The following FBN3 variants were observed in gnomAD, a reference collection of about 807,000 sequenced individuals.
The protein encoded by FBN3 is fibrillin 3.
Under a neutral mutation model 330.1 loss-of-function variants are expected in FBN3, and 234 were observed. The ratio of observed to expected loss-of-function variants is 0.71; its 90% confidence interval spans 0.64 to 0.79. FBN3 has a LOEUF of 0.79. FBN3 is among the 30% of genes least tolerant of loss of function. The pLI, the probability that FBN3 is intolerant of heterozygous loss-of-function variation, is 0.00. For missense variants in FBN3, 3,606 were observed against 3,886.9 expected (o/e 0.93, Z 1.92); for synonymous variants, 1,458 against 1,517.3 (o/e 0.96, Z 0.91).
In FBN3 at chr19:8,096,524, T is replaced by A. The variant is rs1436520419; in HGVS notation, c.5459A>T (p.Asp1820Val). 5 of 1,613,642 alleles carry A rather than the reference T, an allele frequency of 3.1e-6. No homozygotes were observed. Among genetic ancestry groups the A allele is most frequent in the Non-Finnish European group, 1.7e-6 (2 of 1,179,862 alleles). ...GTAGCTGCCTTCTGTGTCCATGCAGTCACCATGGCTACAGACATTCGGGAT... is the reference window on the plus strand; with the variant it reads ...GTAGCTGCCTTCTGTGTCCATGCAGACACCATGGCTACAGACATTCGGGAT... ...REIPNVCSHG[D>V]CMDTEGSYMC... Residue 1820 changes from aspartate to valine, a missense_variant, in exon 44 of 64, where the codon GAC becomes GTC. Coordinates refer to ENST00000600128, the MANE Select transcript of FBN3 (RefSeq NM_032447.5). This position sits in a 1 kb window ranked among gnomAD's most constrained non-coding sequence, Gnocchi z 4.6.
Position 8,129,499 on chromosome 19 carries a change from C to T in FBN3, c.2045-134G>A. ...GGCCATAGCTCCAGCCCAGACCCGGCCTCATTCTGCTCTAAACCGAGGTTT... is the reference window on the plus strand; with the variant it reads ...GGCCATAGCTCCAGCCCAGACCCGGTCTCATTCTGCTCTAAACCGAGGTTT... On this transcript the variant is annotated intron_variant, in intron 16 of 63. Transcript: ENST00000600128. This position sits in a 1 kb window ranked among gnomAD's most constrained non-coding sequence, Gnocchi z 4.5. 1 of 1,162,194 alleles carries T rather than the reference C, an allele frequency of 8.6e-7. No individual in the cohort carries two copies. The highest frequency in any genetic ancestry group is 1.5e-5 in the South Asian group (1 of 65,274). The allele number at this position is 1,162,194 out of a possible 1,614,324, so 72.0% of individuals were successfully genotyped here. A position where few individuals can be genotyped will look rare whatever the true frequency, so the allele number is the denominator to read the frequency against.
chr19:8,110,281 A>C (rs763451008), intron 34 of FBN3, among the ~76,000 whole-genome samples: 1 of 151,942 alleles, frequency 6.6e-6, no homozygotes, highest in Non-Finnish European at 1.5e-5. Flanking sequence ...CTGGTCTCCA[A>C]CTCCTGGCCT....
chr19:8,146,526 T>G (rs1208057899), intron 3 of FBN3, among the ~76,000 whole-genome samples: 1 of 152,132 alleles, frequency 6.6e-6, no homozygotes, highest in African/African-American at 2.4e-5. Context: ...GCTGGGGTCC[T>G]GGATACTGAG....
At chr19:8,108,795 T>G (rs1360601445) in intron 36 of FBN3, among the ~76,000 whole-genome samples, 1 of 152,118 alleles carries the variant, frequency 6.6e-6, no homozygotes, top group Non-Finnish European at 1.5e-5. Context: ...GAGCTTTCAC[T>G]TCCCCACAGC....
chr19:8,095,281 T>G, intron 46 of FBN3, 94 bp downstream of exon 46: 1 of 1,302,584 alleles, frequency 7.7e-7, no homozygotes, highest in Non-Finnish European at 1.0e-6. Context: ...GCTTGGGTAG[T>G]AAATGGATCT....
chr19:8,134,353 G>C (rs2070259334), intron 13 of FBN3, among the ~76,000 whole-genome samples: 1 of 152,178 alleles, frequency 6.6e-6, no homozygotes, highest in Admixed American at 6.5e-5. Flanking sequence ...AAACGAACCA[G>C]TGTCCTACTG....
intron 42 of FBN3, 137 bp downstream of exon 42, chr19:8,097,152 G>T (rs1394330696): frequency 2.7e-6 from 4 of 1,457,848 alleles, no homozygotes; most frequent in African/African-American, 2.8e-5. Context: ...TGAGATGGAG[G>T]CCCTTGGAAA....
chr19:8,112,201 C>G, intron 30 of FBN3, 102 bp from the exon 31 acceptor site: 1 of 1,306,286 alleles, frequency 7.7e-7, no homozygotes, highest in Non-Finnish European at 1.0e-6. Flanking sequence ...TAGGGGAGAG[C>G]TGGCCCAGAA....
rs776301980 is a variant in FBN3, at chr19:8,141,981, C to A, written c.698G>T (p.Arg233Leu). 4.3e-6 allele frequency: 7 copies of A among 1,614,134 alleles called. No individual in the cohort carries two copies. The highest frequency in any genetic ancestry group is 5.9e-6 in the Non-Finnish European group (7 of 1,180,004). Reference protein sequence around the residue: ...ELCPAQPHPCRRGFIPNIHTG... With the variant: ...ELCPAQPHPCLRGFIPNIHTG... The stretch of plus-strand genomic sequence containing the variant: ...GTGGATATTGGGGATGAAGCCGCGG[C>A]GGCAGGGGTGTGGCTGTGCAGGGCA... The change falls in exon 7 of 64, where the codon CGC becomes CTC. Residue 233 changes from arginine to leucine, a missense_variant. By Grantham distance (102) the Arg-to-Leu change is moderately radical. Transcript: ENST00000600128.
At chr19:8,119,226 A>T (rs2082781630) in intron 25 of FBN3, among the ~76,000 whole-genome samples, 1 of 152,078 alleles carries the variant, frequency 6.6e-6, no homozygotes, top group Admixed American at 6.5e-5. Context: ...ATGGGGAGGG[A>T]GGCTGAGATT....
chr19:8,091,414 C>T (rs778737660), intron 48 of FBN3, 51 bp downstream of exon 48: 1 of 1,600,012 alleles, frequency 6.2e-7, no homozygotes, highest in Non-Finnish European at 8.5e-7. Context: ...GCAATCTGAC[C>T]CTTCCCCGCC....
At chr19:8,085,846 G>A (rs2081931485) in intron 55 of FBN3, among the ~76,000 whole-genome samples, 1 of 152,014 alleles carries the variant, frequency 6.6e-6, no homozygotes, top group African/African-American at 2.4e-5. Flanking sequence ...TTTAACAGAA[G>A]GGACAGAGGG....
At chr19:8,136,582 G>A in intron 10 of FBN3, 51 bp from the exon 11 acceptor site, 2 of 1,605,922 alleles carry the variant, frequency 1.2e-6, no homozygotes, top group African/African-American at 2.7e-5. Context: ...CCCCGCCCCA[G>A]TCTGGAGCCT....
At chr19:8,066,318 G>GT in intron 63 of FBN3, 58 bp from the exon 64 acceptor site, 2 of 1,287,200 alleles carry the variant, frequency 1.6e-6, no homozygotes, top group South Asian at 3.1e-5. Context: ...TGTGGTGTGG[G>GT]TAGGGGGTCC....
At chr19:8,111,306 G>A in intron 32 of FBN3, 123 bp from the exon 33 acceptor site, 1 of 1,261,120 alleles carries the variant, frequency 7.9e-7, no homozygotes, top group Non-Finnish European at 1.1e-6. Flanking sequence ...AGTAGCCCTG[G>A]GGACTCAGTC....
In FBN3 at chr19:8,136,438, C is replaced by A. The variant is rs142403623; in HGVS notation, c.1295G>T (p.Arg432Leu). The A allele has an allele frequency of 1.9e-6, 3 of 1,614,174 alleles. No individual in the cohort carries two copies. The highest frequency in any genetic ancestry group is 2.2e-5 in the East Asian group (1 of 44,878). ...GRCLPTPSSY[R>L]CECNVGYTQD... ...GGTGTAGCCCACGTTACACTCGCAGCGGTAGCTGGAAGGCGTGGGCAGGCA... is the reference window on the plus strand; with the variant it reads ...GGTGTAGCCCACGTTACACTCGCAGAGGTAGCTGGAAGGCGTGGGCAGGCA... The change falls in exon 11 of 64, where the codon CGC becomes CTC. Residue 432 changes from arginine (R) to leucine (L), a missense_variant. Arg to Leu is a moderately radical substitution (Grantham distance 102, BLOSUM62 -2). Transcript: ENST00000600128.
chr19:8,135,936 G>GGCTCCCCC, intron 13 of FBN3, 25 bp downstream of exon 13: 1 of 668,778 alleles, frequency 1.5e-6, no homozygotes. Context: ...GGAAGCCCCT[G>GGCTCCCCC]CCCACCCGCC....
At chr19:8,077,304 C>T (rs1175047349) in intron 59 of FBN3, among the ~76,000 whole-genome samples, 1 of 152,162 alleles carries the variant, frequency 6.6e-6, no homozygotes, top group Non-Finnish European at 1.5e-5. Flanking sequence ...TCCTTGAGTA[C>T]AGAGATTCTT....
chr19:8,094,424 G>A (rs183277311), intron 47 of FBN3, 22 bp downstream of exon 47: 54 of 1,587,916 alleles, frequency 3.4e-5, no homozygotes, highest in East Asian at 1.8e-4. Flanking sequence ...CGCCAGAAAC[G>A]GGAGTGGGGC....
Sources: allele counts gnomAD v4.1 joint callset (sites outside exome capture counted in the v4.1 genomes callset), GRCh38; gene constraint gnomAD v4.1.1; non-coding constraint Gnocchi (gnomAD v3.1); transcripts MANE v1.5; gene names NCBI Gene and HGNC (gene_info 2026-07-23, HGNC 2026-07-21).